Variants in SGSM1 observed in about 807,000 individuals in gnomAD.
SGSM1 encodes the protein small G protein signaling modulator 1.
SGSM1 carries 73 observed loss-of-function variants against 133.8 expected under a neutral mutation model. The ratio of observed to expected loss-of-function variants is 0.55; its 90% CI spans 0.45 to 0.66. The LOEUF (loss-of-function observed/expected upper bound fraction) is 0.66. SGSM1 is among the 30% of genes least tolerant of loss of function. SGSM1 has a pLI of 0.00. For missense variants in SGSM1, 1,213 were observed against 1,448.1 expected (o/e 0.84, Z 2.64); for synonymous variants, 563 against 573.0 (o/e 0.98, Z 0.25).
At chr22:24,836,384 G>C (rs1929431199) in intron 2 of SGSM1, among the ~76,000 whole-genome samples, 1 of 152,148 alleles carries the variant, frequency 6.6e-6, no homozygotes, top group Non-Finnish European at 1.5e-5. Flanking sequence ...TCCACCTTTT[G>C]GCTACTGTGA....
chr22:24,879,763 T>G (rs961200309), intron 14 of SGSM1, among the ~76,000 whole-genome samples: 17 of 152,170 alleles, frequency 1.1e-4, no homozygotes, highest in Admixed American at 8.5e-4. Context: ...TGGGGTCCCC[T>G]GGGGACAGAG....
intron 22 of SGSM1, among the ~76,000 whole-genome samples, chr22:24,914,117 T>C (rs2123738772): frequency 6.6e-6 from 1 of 151,770 alleles, no homozygotes. Flanking sequence ...GGTGAAACCC[T>C]GTCTCTACTA....
intron 20 of SGSM1, among the ~76,000 whole-genome samples, chr22:24,903,841 A>G (rs2123716398): frequency 6.6e-6 from 1 of 152,178 alleles, no homozygotes; most frequent in South Asian, 2.1e-4. Flanking sequence ...GTGTGGTGGC[A>G]CACACCTGTA....
intron 17 of SGSM1, among the ~76,000 whole-genome samples, 193 bp downstream of exon 17, chr22:24,893,806 G>C (rs914712780): frequency 2.0e-5 from 3 of 152,162 alleles, no homozygotes; most frequent in Non-Finnish European, 4.4e-5. Context: ...CCATTTAGTA[G>C]TTCTGGGGTT....
At chr22:24,829,200 GA>G (rs113498849) in intron 2 of SGSM1, among the ~76,000 whole-genome samples, 46 of 146,216 alleles carry the variant, frequency 3.1e-4, no homozygotes, top group African/African-American at 4.0e-4. Flanking sequence ...CATCTCAAAA[GA>G]AAAAAAAAAA....
intron 4 of SGSM1, 122 bp from the exon 5 acceptor site, chr22:24,850,158 C>G: frequency 2.9e-6 from 3 of 1,050,982 alleles, no homozygotes. Flanking sequence ...AATATGGGCT[C>G]TTCTTGTTTA....
chr22:24,865,633 GT>G (rs965815782), intron 9 of SGSM1, among the ~76,000 whole-genome samples: 147 of 152,280 alleles, frequency 9.7e-4, no homozygotes, highest in African/African-American at 3.2e-3. Flanking sequence ...TGAAGCCTAT[GT>G]TAGTTTGAGT....
rs892131834 is a variant in SGSM1, at chr22:24,897,899, G to A, written c.2023-73G>A. ...TTAAGCCGATCACCTGTTGTTGGAT[G>A]TTTAGGTTGCTGATGTAAGTAATGC... On this transcript the variant is annotated intron_variant, in intron 18 of 24. Transcript: ENST00000400358. 3 of 1,325,468 alleles carry A rather than the reference G, an allele frequency of 2.3e-6. No homozygotes were observed. In the African/African-American group the frequency reaches 4.4e-5, roughly 19 times the overall value. 82.1% of individuals were successfully genotyped at this position (1,325,468 alleles called of 1,614,324 possible). A position where few individuals can be genotyped will look rare whatever the true frequency, so the allele number is the denominator to read the frequency against.
intron 5 of SGSM1, among the ~76,000 whole-genome samples, 170 bp from the exon 6 acceptor site, chr22:24,854,826 A>C (rs1930674674): frequency 6.6e-6 from 1 of 151,868 alleles, no homozygotes; most frequent in African/African-American, 2.4e-5. Flanking sequence ...AAAAAAAAGA[A>C]ATCCTTTTTT....
chr22:24,883,962 T>G, intron 14 of SGSM1, 91 bp from the exon 15 acceptor site: 1 of 1,413,272 alleles, frequency 7.1e-7, no homozygotes, highest in Non-Finnish European at 9.3e-7. Flanking sequence ...TTTAAAAAAT[T>G]TGAGGTGGGA....
chr22:24,872,514 T>A (rs1317944697), intron 12 of SGSM1, among the ~76,000 whole-genome samples: 1 of 152,220 alleles, frequency 6.6e-6, no homozygotes, highest in East Asian at 1.9e-4. Context: ...TCAATAATTT[T>A]ATATTGATTA....
At chr22:24,899,439 T>A (rs1337694535) in intron 19 of SGSM1, among the ~76,000 whole-genome samples, 2 of 152,022 alleles carry the variant, frequency 1.3e-5, no homozygotes, top group East Asian at 1.9e-4. Context: ...GTCAGTCATG[T>A]TTTCCTCTTT....
chr22:24,820,422 G>C (rs955744819), intron 2 of SGSM1, among the ~76,000 whole-genome samples: 1 of 152,152 alleles, frequency 6.6e-6, no homozygotes, highest in African/African-American at 2.4e-5. Flanking sequence ...CGATTAACTC[G>C]GGCCAGGTTG....
rs1930243104 is a variant in SGSM1, at chr22:24,847,932, T to C, written c.302+136T>C. ...TGCTTCTCAAACCCACCAGACTCTT[T>C]CCCACCCCAGGGTCTTTGCACGTGC... On this transcript the variant is annotated intron_variant, in intron 4 of 24. Coordinates refer to ENST00000400358, the MANE Select transcript of SGSM1 (RefSeq NM_001098497.3). 9 of 1,232,278 alleles carry C rather than the reference T, an allele frequency of 7.3e-6. No individual in the cohort carries two copies. The Admixed American group carries it at 1.9e-4, about 26-fold the overall frequency. The allele number at this position is 1,232,278 out of a possible 1,614,324, so 76.3% of individuals were successfully genotyped here.
intron 22 of SGSM1, among the ~76,000 whole-genome samples, chr22:24,916,357 A>G (rs922033521): frequency 6.6e-6 from 1 of 152,070 alleles, no homozygotes; most frequent in Non-Finnish European, 1.5e-5. Flanking sequence ...TAATGATGTC[A>G]AGGTTTATCC....
chr22:24,898,011 G>A lies in SGSM1; in HGVS notation c.2062G>A (p.Glu688Lys), dbSNP rs759295531. Residue 688 changes from glutamate to lysine, a missense_variant, in exon 19 of 25, where the codon GAA becomes AAA. Glu to Lys is a moderately conservative substitution (Grantham distance 56). Transcript: ENST00000400358. ...GGATGAGGTGGAGCAGGTGGAGGCTGAAGGCAGATTGGAGGAGAAACAGCC... is the reference window on the plus strand; with the variant it reads ...GGATGAGGTGGAGCAGGTGGAGGCTAAAGGCAGATTGGAGGAGAAACAGCC... ...SVDEVEQVEA[E>K]GRLEEKQPKI... is the part of the protein sequence containing the mutation. 1 of 1,611,324 alleles carries A rather than the reference G, an allele frequency of 6.2e-7. No individual in the cohort carries two copies. Among genetic ancestry groups the A allele is most frequent in the South Asian group, 1.1e-5 (1 of 90,502 alleles).
At chr22:24,858,740 C>T (rs1256533851) in intron 8 of SGSM1, among the ~76,000 whole-genome samples, 2 of 152,156 alleles carry the variant, frequency 1.3e-5, no homozygotes, top group Non-Finnish European at 2.9e-5. Context: ...GGCACTCTAC[C>T]GCTCTGTTCC....
At chr22:24,895,608 A>G (rs370269881) in intron 18 of SGSM1, among the ~76,000 whole-genome samples, 28 of 152,322 alleles carry the variant, frequency 1.8e-4, no homozygotes, top group African/African-American at 6.0e-4. Context: ...TTCTGTATGC[A>G]TATACATACA....
chr22:24,892,325 T>C (rs1225795420), intron 16 of SGSM1, among the ~76,000 whole-genome samples: 1 of 151,788 alleles, frequency 6.6e-6, no homozygotes, highest in African/African-American at 2.4e-5. Flanking sequence ...CCATCCTGGC[T>C]CTCCTTACCT....
Sources: allele counts gnomAD v4.1 joint callset (sites outside exome capture counted in the v4.1 genomes callset), GRCh38; gene constraint gnomAD v4.1.1; transcripts MANE v1.5; gene names NCBI Gene and HGNC (gene_info 2026-07-23, HGNC 2026-07-21).